GABBR2: variants seen among roughly 807,000 people sequenced by gnomAD.
GABBR2 encodes gamma-aminobutyric acid type B receptor subunit 2, also known as G-protein coupled receptor 51.
GABBR2 carries 23 observed loss-of-function variants against 105.6 expected under a neutral mutation model. The observed-to-expected ratio is 0.22, with a 90% confidence interval of 0.16 to 0.31. GABBR2 has a LOEUF of 0.31. Among genes scored for constraint, GABBR2 ranks in the 10% least tolerant of loss-of-function variants. The probability of loss-of-function intolerance (pLI) is 1.00; values close to 1 mark genes in which losing one functional copy is unlikely to be tolerated. For synonymous variants in GABBR2, 478 were observed against 499.7 expected (o/e 0.96, Z 0.58); for missense variants, 734 against 1,245.5 (o/e 0.59, Z 6.18).
intron 3 of GABBR2, among the ~76,000 whole-genome samples, chr9:98,533,674 G>C (rs996791045): frequency 6.6e-6 from 1 of 152,166 alleles, no homozygotes; most frequent in Non-Finnish European, 1.5e-5. Context: ...GAAGCAAATG[G>C]TGTCTTGTGC....
At chr9:98,566,413 C>T (rs1201086150) in intron 2 of GABBR2, among the ~76,000 whole-genome samples, 1 of 152,164 alleles carries the variant, frequency 6.6e-6, no homozygotes, top group Non-Finnish European at 1.5e-5. Context: ...CAGTGGCCCA[C>T]ACCTGTAATC....
At chr9:98,414,608 C>G (rs897077035) in intron 7 of GABBR2, among the ~76,000 whole-genome samples, 3 of 152,124 alleles carry the variant, frequency 2.0e-5, no homozygotes, top group African/African-American at 7.2e-5. Context: ...AAGGTTAGAA[C>G]AAGTGATATT....
intron 13 of GABBR2, among the ~76,000 whole-genome samples, chr9:98,332,794 G>A (rs1000204881): frequency 1.3e-5 from 2 of 152,226 alleles, no homozygotes; most frequent in African/African-American, 2.4e-5. Context: ...AATCCTCCAC[G>A]CCCATTGGCG....
At chr9:98,345,695 T>C (rs1831291829) in intron 13 of GABBR2, among the ~76,000 whole-genome samples, 1 of 152,216 alleles carries the variant, frequency 6.6e-6, no homozygotes, top group South Asian at 2.1e-4. Context: ...ATCGTCTATA[T>C]AGAAAGTCCC....
intron 6 of GABBR2, among the ~76,000 whole-genome samples, chr9:98,471,252 T>G (rs1826669280): frequency 6.6e-6 from 1 of 152,166 alleles, no homozygotes. Context: ...TTGGGTCTCC[T>G]GGACTTTTGG....
intron 13 of GABBR2, among the ~76,000 whole-genome samples, chr9:98,339,255 C>A (rs1831168116): frequency 6.9e-6 from 1 of 145,756 alleles, no homozygotes; most frequent in South Asian, 2.2e-4. Context: ...CATTTAAAGA[C>A]TGAATTTTAT....
intron 13 of GABBR2, among the ~76,000 whole-genome samples, chr9:98,319,908 T>C (rs1248918607): frequency 1.3e-5 from 2 of 152,122 alleles, no homozygotes; most frequent in African/African-American, 2.4e-5. Context: ...ATTCAGGACA[T>C]AGGCATGGGC....
At chr9:98,628,155 A>G (rs1447366672) in intron 1 of GABBR2, among the ~76,000 whole-genome samples, 1 of 152,236 alleles carries the variant, frequency 6.6e-6, no homozygotes, top group Non-Finnish European at 1.5e-5. Context: ...TGTGTTTAAA[A>G]GTATCCCACT....
intron 7 of GABBR2, among the ~76,000 whole-genome samples, chr9:98,424,152 C>A (rs1832832751): frequency 6.6e-6 from 1 of 152,102 alleles, no homozygotes; most frequent in Non-Finnish European, 1.5e-5. Flanking sequence ...GGGCTTCATC[C>A]CTGGGATGCA....
intron 2 of GABBR2, among the ~76,000 whole-genome samples, chr9:98,542,759 GTTA>G (rs970527595): frequency 1.1e-4 from 16 of 152,190 alleles, no homozygotes; most frequent in Non-Finnish European, 2.9e-5. Context: ...AGTAAAAAAT[GTTA>G]TTCTGTCTAA....
At chr9:98,507,103 G>A (rs1471577581) in intron 3 of GABBR2, among the ~76,000 whole-genome samples, 1 of 152,206 alleles carries the variant, frequency 6.6e-6, no homozygotes, top group African/African-American at 2.4e-5. Context: ...CAGCCAGGCT[G>A]ATGGAAAACT....
intron 1 of GABBR2, among the ~76,000 whole-genome samples, chr9:98,587,557 T>A (rs1438929519): frequency 6.6e-6 from 1 of 152,118 alleles, no homozygotes; most frequent in African/African-American, 2.4e-5. Flanking sequence ...AAAGGAGTGA[T>A]AGTGAGAGCC....
chr9:98,436,376 T>G (rs1167847893), intron 7 of GABBR2, among the ~76,000 whole-genome samples: 3 of 47,858 alleles, frequency 6.3e-5, no homozygotes, highest in African/African-American at 3.8e-4. Context: ...TATATATATA[T>G]ATATATATAT....
At chr9:98,671,867 T>C (rs1375267162) in intron 1 of GABBR2, among the ~76,000 whole-genome samples, 1 of 152,148 alleles carries the variant, frequency 6.6e-6, no homozygotes, top group African/African-American at 2.4e-5. Flanking sequence ...CTCGAGATGA[T>C]GGTAGCTTGG....
At chr9:98,616,690 G>A (rs569925312) in intron 1 of GABBR2, among the ~76,000 whole-genome samples, 1 of 151,752 alleles carries the variant, frequency 6.6e-6, no homozygotes, top group South Asian at 2.1e-4. Flanking sequence ...GGAGGAGGAG[G>A]TGGCAGTAGG....
chr9:98,523,473 TAAG>T (rs1055639313), intron 3 of GABBR2, among the ~76,000 whole-genome samples: 7 of 152,282 alleles, frequency 4.6e-5, no homozygotes, highest in East Asian at 3.9e-4. Flanking sequence ...GTAGCTGCTT[TAAG>T]AAGGAGGATA....
At chr9:98,593,950 G>A (rs1829187447) in intron 1 of GABBR2, among the ~76,000 whole-genome samples, 1 of 152,180 alleles carries the variant, frequency 6.6e-6, no homozygotes. Flanking sequence ...ACATCACTGT[G>A]ATGAGGGACT....
chr9:98,545,791 C>T (rs1021449657), intron 2 of GABBR2, among the ~76,000 whole-genome samples: 1 of 152,184 alleles, frequency 6.6e-6, no homozygotes, highest in South Asian at 2.1e-4. Flanking sequence ...AACACTAGTG[C>T]GCTTTCTCCC....
chr9:98,417,976 G>A (rs1446224247), intron 7 of GABBR2, among the ~76,000 whole-genome samples: 1 of 152,064 alleles, frequency 6.6e-6, no homozygotes, highest in African/African-American at 2.4e-5. Context: ...AGGAGGGTGA[G>A]GTTGCTGTGG....
Sources: gnomAD v4.1 joint callset for allele counts (sites outside exome capture counted in the v4.1 genomes callset) on GRCh38, gnomAD v4.1.1 for gene constraint, MANE v1.5 for transcripts, NCBI Gene and HGNC (gene_info 2026-07-23, HGNC 2026-07-21) for gene names.